RCOR1: variants seen among roughly 807,000 people sequenced by gnomAD.
RCOR1 encodes REST corepressor 1, also known as REST corepressor.
In RCOR1, 12 loss-of-function variants were observed where a neutral mutation model predicts 64.0. The ratio of observed to expected loss-of-function variants is 0.19; its 90% CI spans 0.12 to 0.30. The LOEUF (loss-of-function observed/expected upper bound fraction) is 0.30, where lower values mean the gene tolerates loss of function less well. RCOR1 is among the 10% of genes least tolerant of loss of function. The pLI is 1.00. For synonymous variants in RCOR1, 279 were observed against 227.2 expected (o/e 1.23, Z -2.05); for missense variants, 502 against 621.2 (o/e 0.81, Z 2.04).
intron 2 of RCOR1, among the ~76,000 whole-genome samples, chr14:102,674,686 C>T (rs997447268): frequency 1.3e-5 from 2 of 152,058 alleles, no homozygotes; most frequent in Admixed American, 1.3e-4. Context: ...TCTTTCTTAC[C>T]CCCTTGATGG....
chr14:102,696,931 T>A (rs1238025470), intron 3 of RCOR1, among the ~76,000 whole-genome samples: 1 of 151,966 alleles, frequency 6.6e-6, no homozygotes, highest in Non-Finnish European at 1.5e-5. Context: ...AAAGTGCACT[T>A]TTCATTTTCA....
At chr14:102,663,621 T>C (rs1264072435) in intron 2 of RCOR1, among the ~76,000 whole-genome samples, 2 of 151,994 alleles carry the variant, frequency 1.3e-5, no homozygotes, top group Non-Finnish European at 2.9e-5. Context: ...GCTTCAGGGC[T>C]TTTTTTTCTC....
chr14:102,625,231 CT>C lies in RCOR1; in HGVS notation c.361+31930del, dbSNP rs61403856. 6.7e-3 allele frequency among the ~76,000 whole-genome samples: 534 copies of C among 79,178 alleles called. 2 individuals carry two copies. Among genetic ancestry groups the C allele is most frequent in the African/African-American group, 0.023 (434 of 19,132 alleles). 51.9% of individuals were successfully genotyped at this position (79,178 alleles called of 152,430 possible). A position where few individuals can be genotyped will look rare whatever the true frequency, so the allele number is the denominator to read the frequency against. Reference sequence around the variant, plus strand: ...CTTGCATTCCAGGTCTATCTTGTTACTTTTTTTTTTTTTTTTTTTTTTTTGA... The same window carrying C: ...CTTGCATTCCAGGTCTATCTTGTTACTTTTTTTTTTTTTTTTTTTTTTTGA... On this transcript the variant is annotated intron_variant, in intron 2 of 11. Coordinates refer to ENST00000262241, the MANE Select transcript of RCOR1 (RefSeq NM_015156.4).
intron 2 of RCOR1, chr14:102,656,197 T>G: frequency 1.2e-6 from 1 of 805,732 alleles, no homozygotes; most frequent in East Asian, 1.3e-4. Flanking sequence ...TGGAGTGCAG[T>G]GGTGTGATCT....
intron 2 of RCOR1, among the ~76,000 whole-genome samples, chr14:102,653,919 CCTTCTTTCTTT>C (rs1331267852): frequency 1.9e-4 from 27 of 139,122 alleles, no homozygotes; most frequent in Non-Finnish European, 2.8e-4. Context: ...TCAGGTATTT[CCTTCTTTCTTT>C]CTTTCTTTCT....
At chr14:102,717,813 T>C (rs1481968594) in intron 8 of RCOR1, among the ~76,000 whole-genome samples, 1 of 152,102 alleles carries the variant, frequency 6.6e-6, no homozygotes, top group Non-Finnish European at 1.5e-5. Context: ...CAAGAATTTT[T>C]AAAATTTGAA....
intron 2 of RCOR1, among the ~76,000 whole-genome samples, chr14:102,656,563 G>T (rs1894728041): frequency 6.6e-6 from 1 of 152,174 alleles, no homozygotes; most frequent in South Asian, 2.1e-4. Context: ...TGCCTCCTGG[G>T]TTCAAGCAAT....
chr14:102,671,901 C>T (rs78204716), intron 2 of RCOR1, among the ~76,000 whole-genome samples: 3,561 of 152,244 alleles, frequency 0.023, 132 homozygotes, highest in African/African-American at 0.076. Context: ...TCTGTCTGGA[C>T]GGTTCATGTA....
At chr14:102,629,734 C>T (rs752783248) in intron 2 of RCOR1, among the ~76,000 whole-genome samples, 9 of 152,190 alleles carry the variant, frequency 5.9e-5, no homozygotes, top group African/African-American at 1.2e-4. Flanking sequence ...TCTAGCTCCA[C>T]GTGTGTGCGA....
At chr14:102,664,858 C>T (rs992337478) in intron 2 of RCOR1, among the ~76,000 whole-genome samples, 1 of 152,120 alleles carries the variant, frequency 6.6e-6, no homozygotes, top group Non-Finnish European at 1.5e-5. Context: ...GTATTAAGTA[C>T]AGGCAGTTCT....
chr14:102,685,462 T>TA (rs1895398493), intron 3 of RCOR1, among the ~76,000 whole-genome samples: 1 of 152,114 alleles, frequency 6.6e-6, no homozygotes, highest in Admixed American at 6.5e-5. Context: ...GACTCTAGTT[T>TA]AACATTAATG....
chr14:102,710,997 A>T lies in RCOR1; in HGVS notation c.842A>T (p.Lys281Met). ...ATTGACATTGAGGTTGATCAAAACA[A>T]GGAAAGCAAAAAGGAGGTATTTTTT... is the stretch of plus-strand genomic sequence containing the variant. ...NPIDIEVDQN[K>M]ESKKEVPPTE... The change falls in exon 7 of 12, where the codon AAG becomes ATG. Residue 281 changes from lysine to methionine, a missense_variant. Lys to Met is a moderately conservative substitution (Grantham distance 95, BLOSUM62 -1). This residue lies in a region of RCOR1 where 260 missense variants were observed against 416.4 expected (regional missense o/e 0.62). Coordinates refer to ENST00000262241, the MANE Select transcript of RCOR1 (RefSeq NM_015156.4). 1 of 1,605,384 alleles carries T rather than the reference A, an allele frequency of 6.2e-7. No individual in the cohort carries two copies. Among genetic ancestry groups the T allele is most frequent in the Non-Finnish European group, 8.5e-7 (1 of 1,177,622 alleles).
chr14:102,643,641 T>C (rs1894418682), intron 2 of RCOR1, among the ~76,000 whole-genome samples: 1 of 152,192 alleles, frequency 6.6e-6, no homozygotes, highest in East Asian at 1.9e-4. Context: ...GAATTCTTCC[T>C]GTCTCTAGAT....
chr14:102,692,088 A>G (rs1895544517), intron 3 of RCOR1, among the ~76,000 whole-genome samples: 1 of 152,236 alleles, frequency 6.6e-6, no homozygotes, highest in Admixed American at 6.5e-5. Context: ...TGAGTATAAC[A>G]CTGTTTCATA....
At chr14:102,687,989 A>G (rs996031748) in intron 3 of RCOR1, among the ~76,000 whole-genome samples, 1 of 143,640 alleles carries the variant, frequency 7.0e-6, no homozygotes, top group African/African-American at 2.6e-5. Flanking sequence ...TTTTTGAGAT[A>G]GAGGTCTCGC....
intron 2 of RCOR1, among the ~76,000 whole-genome samples, chr14:102,677,558 A>G: frequency 8.2e-6 from 1 of 121,834 alleles, no homozygotes; most frequent in South Asian, 3.0e-4. Context: ...CTCACATCCC[A>G]GACAGGGCGG....
intron 3 of RCOR1, among the ~76,000 whole-genome samples, chr14:102,689,848 A>G (rs58273088): frequency 7.9e-5 from 12 of 152,116 alleles, no homozygotes; most frequent in Non-Finnish European, 1.8e-4. Context: ...GGTTCAAGCT[A>G]TTCTCCTGCC....
At chr14:102,652,512 GTTT>G (rs1156474536) in intron 2 of RCOR1, among the ~76,000 whole-genome samples, 2 of 151,976 alleles carry the variant, frequency 1.3e-5, no homozygotes, top group African/African-American at 4.8e-5. Flanking sequence ...TATATTATTT[GTTT>G]CTTTTAAGCT....
chr14:102,607,181 C>A (rs1893529011), intron 2 of RCOR1, among the ~76,000 whole-genome samples: 1 of 152,054 alleles, frequency 6.6e-6, no homozygotes, highest in South Asian at 2.1e-4. Context: ...GATCCGTCTG[C>A]CTTGGCCTCC....
Sources: allele counts gnomAD v4.1 joint callset (sites outside exome capture counted in the v4.1 genomes callset), GRCh38; gene constraint gnomAD v4.1.1; regional missense constraint gnomAD v4.1.1; transcripts MANE v1.5; gene names NCBI Gene and HGNC (gene_info 2026-07-23, HGNC 2026-07-21).